TSPAN10: variants seen among roughly 807,000 people sequenced by gnomAD.
The protein encoded by TSPAN10 is tetraspanin 10, also known as tetraspanin-10.
TSPAN10 carries 11 observed loss-of-function variants against 15.0 expected under a neutral mutation model. The observed-to-expected ratio is 0.73, with a 90% CI of 0.46 to 1.21. The LOEUF (loss-of-function observed/expected upper bound fraction) is 1.21, where lower values mean the gene tolerates loss of function less well. Among genes scored for constraint, TSPAN10 ranks in the 50% most tolerant of loss-of-function variants. The pLI, the probability that TSPAN10 is intolerant of heterozygous loss-of-function variation, is 0.00. For missense variants in TSPAN10, 486 were observed against 470.6 expected (o/e 1.03, Z -0.30); for synonymous variants, 241 against 226.2 (o/e 1.07, Z -0.59).
chr17:81,641,269 G>A (rs1258579956), upstream of TSPAN10, among the ~76,000 whole-genome samples: 4 of 152,166 alleles, frequency 2.6e-5, no homozygotes, highest in African/African-American at 7.2e-5. Flanking sequence ...GGCCCATGAG[G>A]TTGGGTTTGT....
exon 2 of TSPAN10, chr17:81,645,447 G>A: frequency 1.6e-5 from 26 of 1,595,944 alleles, no homozygotes; most frequent in South Asian, 2.2e-5. Context: ...TGGTGCTTGA[G>A]GCCGTGGCGG....
chr17:81,645,580 G>A lies in TSPAN10; in HGVS notation c.625G>A (p.Gly209Arg), dbSNP rs201840060. The A allele has an allele frequency of 6.9e-4, 1,118 of 1,612,576 alleles. 1 individual carries two copies. The highest frequency in any genetic ancestry group is 8.8e-4 in the Non-Finnish European group (1,039 of 1,179,682). Reference sequence around the variant, plus strand: ...CTTCCTCCTCGACCAAGTCCAGCTCGGGCTGAGGTGCTGCGGAGCTGCCTC... The same window carrying A: ...CTTCCTCCTCGACCAAGTCCAGCTCAGGCTGAGGTGCTGCGGAGCTGCCTC... Residue 209 changes from glycine to arginine, a missense_variant, in exon 2 of 3, where the codon GGG becomes AGG. Gly to Arg is a moderately radical substitution (Grantham distance 125). Transcript: ENST00000611590.
exon 2 of TSPAN10, chr17:81,645,231 G>T (rs367935523): frequency 6.5e-7 from 1 of 1,538,684 alleles, no homozygotes. Flanking sequence ...TGCTGGGGCT[G>T]CTGGCCCTGG....
intron 2 of TSPAN10, chr17:81,647,454 C>T (rs975359677): frequency 4.3e-6 from 2 of 463,292 alleles, no homozygotes; most frequent in African/African-American, 2.0e-5. Flanking sequence ...CTGTCACTGC[C>T]AGGTACTGCC....
chr17:81,647,375 C>T, intron 2 of TSPAN10: 1 of 454,990 alleles, frequency 2.2e-6, no homozygotes, highest in Non-Finnish European at 4.4e-6. Context: ...CTGGGGACTG[C>T]CTGACCTGGG....
At chr17:81,645,589 T>G (rs1230755035) in exon 2 of TSPAN10, 1 of 1,612,626 alleles carries the variant, frequency 6.2e-7, no homozygotes, top group Non-Finnish European at 8.5e-7. Context: ...CGGGCTGAGG[T>G]GCTGCGGAGC....
chr17:81,648,222 C>T, exon 3 of TSPAN10: 5 of 1,286,524 alleles, frequency 3.9e-6, no homozygotes, highest in Non-Finnish European at 4.9e-6. Flanking sequence ...CCGGAGCGCG[C>T]GGGGAGGACC....
At chr17:81,640,433 A>G (rs2036168220), upstream of TSPAN10, among the ~76,000 whole-genome samples, 1 of 151,878 alleles carries the variant, frequency 6.6e-6, no homozygotes, top group Non-Finnish European at 1.5e-5. Flanking sequence ...ATGTTGGATT[A>G]GGGCCCACGC....
At chr17:81,644,697 G>A (rs908743842) in intron 1 of TSPAN10, among the ~76,000 whole-genome samples, 3 of 152,206 alleles carry the variant, frequency 2.0e-5, no homozygotes, top group Non-Finnish European at 4.4e-5. Context: ...ACTGAGCACC[G>A]CCCTGCTTGG....
intron 2 of TSPAN10, chr17:81,645,976 T>C (rs891992350): frequency 5.0e-6 from 2 of 402,452 alleles, no homozygotes; most frequent in Non-Finnish European, 9.0e-6. Context: ...CCTTGTTCTA[T>C]GGGCTCAGGG....
upstream of TSPAN10, among the ~76,000 whole-genome samples, chr17:81,639,907 G>A (rs1266955107): frequency 6.6e-6 from 1 of 151,946 alleles, no homozygotes; most frequent in Admixed American, 6.6e-5. Context: ...GTGAACCCGG[G>A]AGGCAGAGCT....
At position 81,646,038 on chromosome 17, in the gene TSPAN10, C is replaced by G. The variant is rs552287627; in HGVS notation, c.674+409C>G. On this transcript the variant is annotated intron_variant, in intron 2 of 2. Transcript: ENST00000611590. ...ACGTGCAGGGTGACTCTGTTCCCCC[C>G]GCCAGGGCCAGGAGGACTACCCAGG... 2.6e-5 allele frequency: 8 copies of G among 301,912 alleles called. No individual in the cohort carries two copies. In the East Asian group the frequency reaches 8.6e-4, roughly 32 times the overall value. 18.7% of individuals were successfully genotyped at this position (301,912 alleles called of 1,614,324 possible).
chr17:81,645,704 C>T (rs2036243366), intron 2 of TSPAN10, 75 bp downstream of exon 3: 3 of 1,548,730 alleles, frequency 1.9e-6, no homozygotes, highest in Non-Finnish European at 1.8e-6. Context: ...CGTGTACACA[C>T]AGTCACTCAC....
chr17:81,645,105 G>C (rs373056344), exon 2 of TSPAN10: 113 of 1,588,962 alleles, frequency 7.1e-5, no homozygotes, highest in Non-Finnish European at 9.4e-5. Flanking sequence ...GCTGTCCCCC[G>C]GAGACCAAGC....
rs1478736193 is a variant in TSPAN10 at position 81,643,589 on chromosome 17, C to T, written c.36+1141C>T. On this transcript the variant is annotated intron_variant, in intron 1 of 2. Coordinates refer to ENST00000611590, the Ensembl canonical transcript of TSPAN10. ...TCCCGCCACTGCACTCCAGCCTGGG[C>T]GACAGAGCGAGACTCCGTCTCAAAA... Among the ~76,000 whole-genome samples, 13 of 31,908 alleles carry T rather than the reference C, an allele frequency of 4.1e-4. 2 individuals carry two copies. The highest frequency in any genetic ancestry group is 3.1e-3 in the African/African-American group (12 of 3,892). The allele number at this position is 31,908 out of a possible 152,430, so 20.9% of individuals were successfully genotyped here.
chr17:81,640,697 C>T (rs1032628106), upstream of TSPAN10, among the ~76,000 whole-genome samples: 2 of 152,096 alleles, frequency 1.3e-5, no homozygotes, highest in African/African-American at 2.4e-5. Flanking sequence ...ATCCACCTGC[C>T]TCGGCCTCCC....
chr17:81,647,260 C>T (rs73371237), intron 2 of TSPAN10, among the ~76,000 whole-genome samples: 6,482 of 152,216 alleles, frequency 0.043, 253 homozygotes, highest in East Asian at 0.21. Context: ...CATCCCCTGC[C>T]TAAGTGGGGC....
chr17:81,646,621 A>C (rs1248360397), intron 2 of TSPAN10: 1 of 149,034 alleles, frequency 6.7e-6, no homozygotes, highest in Non-Finnish European at 1.5e-5. Flanking sequence ...CGGAGCTTGC[A>C]GTGAGCCGAG....
chr17:81,638,294 GT>G (rs1555691270), upstream of TSPAN10: 1 of 149,590 alleles, frequency 6.7e-6, no homozygotes, highest in African/African-American at 2.4e-5. Context: ...AGAGTTTTTT[GT>G]TTTTTGTTTT....
Sources: gnomAD v4.1 joint callset for allele counts (sites outside exome capture counted in the v4.1 genomes callset) on GRCh38, gnomAD v4.1.1 for gene constraint, MANE v1.5 for transcripts, NCBI Gene and HGNC (gene_info 2026-07-23, HGNC 2026-07-21) for gene names.